The following ERBB4 variants were observed in gnomAD, a reference collection of about 807,000 sequenced individuals.
ERBB4 encodes erb-b2 receptor tyrosine kinase 4, also known as receptor tyrosine-protein kinase erbB-4.
In ERBB4, 42 loss-of-function variants were observed where a neutral mutation model predicts 158.0. The ratio of observed to expected loss-of-function variants is 0.27; its 90% CI spans 0.21 to 0.34. The LOEUF is 0.34. Ranked by LOEUF, ERBB4 falls within the 10% of genes least tolerant of loss-of-function variation. ERBB4 has a pLI of 1.00. For missense variants in ERBB4, 1,333 were observed against 1,624.1 expected, an observed-to-expected ratio of 0.82 and a Z score of 3.08; for synonymous variants, 583 against 558.7, an observed-to-expected ratio of 1.04 and a Z score of -0.61.
chr2:211,915,201 C>T (rs2079653537), intron 3 of ERBB4, among the ~76,000 whole-genome samples: 1 of 152,086 alleles, frequency 6.6e-6, no homozygotes, highest in Non-Finnish European at 1.5e-5. Context: ...AATATTACCA[C>T]CAAGCCCTAA....
chr2:211,569,777 G>T (rs1333417173), intron 19 of ERBB4, among the ~76,000 whole-genome samples: 1 of 152,338 alleles, frequency 6.6e-6, no homozygotes, highest in East Asian at 1.9e-4. Context: ...GATTGAAAAG[G>T]TGGGTAGGGA....
At chr2:212,328,674 G>A (rs149829873) in intron 1 of ERBB4, among the ~76,000 whole-genome samples, 1 of 151,992 alleles carries the variant, frequency 6.6e-6, no homozygotes, top group East Asian at 1.9e-4. Context: ...GGAATTTGTG[G>A]GGAATTCATA....
chr2:212,533,416 G>T (rs1159185229), intron 1 of ERBB4, among the ~76,000 whole-genome samples: 6 of 152,196 alleles, frequency 3.9e-5, no homozygotes, highest in Non-Finnish European at 8.8e-5. Context: ...ACAAAGAGAT[G>T]CAGTGAGTTG....
At chr2:212,393,756 G>A (rs921006425) in intron 1 of ERBB4, among the ~76,000 whole-genome samples, 2 of 152,048 alleles carry the variant, frequency 1.3e-5, no homozygotes, top group African/African-American at 4.8e-5. Flanking sequence ...TGTTGCTGTG[G>A]CAGATTCTGT....
At chr2:211,400,591 G>GAGAT (rs141686650) in intron 25 of ERBB4, among the ~76,000 whole-genome samples, 2,246 of 151,940 alleles carry the variant, frequency 0.015, 61 homozygotes, top group African/African-American at 0.051. Flanking sequence ...TGAAATTATG[G>GAGAT]AGATAGAGAG....
At chr2:211,892,181 C>G (rs1185335884) in intron 3 of ERBB4, among the ~76,000 whole-genome samples, 2 of 113,784 alleles carry the variant, frequency 1.8e-5, no homozygotes, top group African/African-American at 8.1e-5. Context: ...AAAACGAATC[C>G]AGCAGCACAT....
Position 211,537,226 on chromosome 2 carries a change from T to C in ERBB4, c.2487+24677A>G, listed in dbSNP as rs543892092. On this transcript the variant is annotated intron_variant, in intron 20 of 27. Transcript: ENST00000342788. ...CTCAAGTATCCCAATGGTAAAGATA[T>C]TATGCATTTTTCCATCTACTACAAT... Among the ~76,000 whole-genome samples, 6 of 152,132 alleles carry C rather than the reference T, an allele frequency of 3.9e-5. No individual in the cohort carries two copies. The South Asian group carries it at 1.2e-3, about 32-fold the overall frequency.
chr2:212,295,511 T>A (rs2106192540), intron 1 of ERBB4, among the ~76,000 whole-genome samples: 2 of 152,194 alleles, frequency 1.3e-5, no homozygotes, highest in Middle Eastern at 6.8e-3. Context: ...TACTCTTTCA[T>A]ACACATACAC....
chr2:211,849,690 T>C (rs561950429), intron 3 of ERBB4, among the ~76,000 whole-genome samples: 4 of 152,006 alleles, frequency 2.6e-5, no homozygotes, highest in Non-Finnish European at 5.9e-5. Flanking sequence ...TTCTTTTTAC[T>C]ATTAATGTGA....
chr2:212,455,771 T>C (rs1688259678), intron 1 of ERBB4, among the ~76,000 whole-genome samples: 7 of 152,190 alleles, frequency 4.6e-5, no homozygotes, highest in Admixed American at 4.6e-4. Context: ...AAGCAATAGG[T>C]AATACATTTC....
intron 2 of ERBB4, among the ~76,000 whole-genome samples, chr2:211,958,102 G>A (rs1244049628): frequency 6.6e-6 from 1 of 152,036 alleles, no homozygotes; most frequent in Non-Finnish European, 1.5e-5. Context: ...GATTTGACAA[G>A]CCTGCCAAGA....
At chr2:212,337,517 T>C (rs2088499101) in intron 1 of ERBB4, among the ~76,000 whole-genome samples, 1 of 152,122 alleles carries the variant, frequency 6.6e-6, no homozygotes, top group Admixed American at 6.6e-5. Flanking sequence ...CTCCCATCTC[T>C]ATTACAATGT....
intron 1 of ERBB4, among the ~76,000 whole-genome samples, chr2:212,281,099 CTT>C (rs888163779): frequency 6.6e-6 from 1 of 151,550 alleles, no homozygotes; most frequent in African/African-American, 2.4e-5. Flanking sequence ...ACTGAAAGCC[CTT>C]CTTTTTTTTT....
intron 20 of ERBB4, 63 bp from the exon 21 acceptor site, chr2:211,431,163 A>C (rs2063741571): frequency 1.3e-6 from 2 of 1,502,824 alleles, no homozygotes; most frequent in Non-Finnish European, 1.8e-6. Flanking sequence ...ATTTTTCTAA[A>C]ACAAAGTTTC....
intron 1 of ERBB4, among the ~76,000 whole-genome samples, chr2:212,464,267 CAA>C (rs1026620002): frequency 6.6e-6 from 1 of 152,054 alleles, no homozygotes; most frequent in African/African-American, 2.4e-5. Context: ...AAGAACCTCA[CAA>C]AAAATATTGG....
At chr2:212,176,255 C>T (rs1013876385) in intron 1 of ERBB4, among the ~76,000 whole-genome samples, 6 of 151,862 alleles carry the variant, frequency 4.0e-5, no homozygotes, top group African/African-American at 1.2e-4. Context: ...ATGTCCTCCC[C>T]ACCCCAATTC....
intron 1 of ERBB4, among the ~76,000 whole-genome samples, chr2:212,148,566 G>C (rs2080760165): frequency 6.6e-6 from 1 of 151,946 alleles, no homozygotes; most frequent in Admixed American, 6.6e-5. Context: ...GGAGATAAAG[G>C]GATATTTCAA....
chr2:211,952,794 A>G (rs916820706), intron 2 of ERBB4, among the ~76,000 whole-genome samples: 2 of 152,080 alleles, frequency 1.3e-5, no homozygotes, highest in South Asian at 4.1e-4. Context: ...GGCAAATAGT[A>G]AGTATTTAAC....
chr2:212,040,477 C>A (rs1170759296), intron 2 of ERBB4, among the ~76,000 whole-genome samples: 1 of 152,090 alleles, frequency 6.6e-6, no homozygotes, highest in Non-Finnish European at 1.5e-5. Context: ...ATATTGATGG[C>A]TTTGCAGCTT....
Sources: allele counts gnomAD v4.1 joint callset (sites outside exome capture counted in the v4.1 genomes callset), GRCh38; gene constraint gnomAD v4.1.1; transcripts MANE v1.5; gene names NCBI Gene and HGNC (gene_info 2026-07-23, HGNC 2026-07-21).